The following ST6GAL1 variants were observed in gnomAD, a reference collection of about 807,000 sequenced individuals.
The protein encoded by ST6GAL1 is beta-galactoside alpha-2,6-sialyltransferase 1.
ST6GAL1 carries 20 observed loss-of-function variants against 38.0 expected under a neutral mutation model. The ratio of observed to expected loss-of-function variants is 0.53; its 90% CI spans 0.37 to 0.77. ST6GAL1 has a LOEUF of 0.77. ST6GAL1 is among the 30% of genes least tolerant of loss of function. ST6GAL1 has a pLI of 0.00. For missense variants in ST6GAL1, 432 were observed against 496.4 expected (o/e 0.87, Z 1.23); for synonymous variants, 196 against 188.2 (o/e 1.04, Z -0.34).
intron 2 of ST6GAL1, among the ~76,000 whole-genome samples, chr3:187,017,311 A>C (rs781163295): frequency 3.9e-5 from 6 of 152,074 alleles, no homozygotes; most frequent in Non-Finnish European, 7.4e-5. Flanking sequence ...AACTATTCTG[A>C]TGTTTATTGG....
intron 4 of ST6GAL1, chr3:187,043,593 A>T (rs756860685): frequency 4.5e-6 from 1 of 220,478 alleles, no homozygotes; most frequent in African/African-American, 2.3e-5. Flanking sequence ...TGATACGTGT[A>T]TTCAATGTGT....
chr3:187,069,873 C>T (rs1185086970), intron 5 of ST6GAL1, among the ~76,000 whole-genome samples: 3 of 152,056 alleles, frequency 2.0e-5, no homozygotes, highest in Non-Finnish European at 2.9e-5. Flanking sequence ...ACTAGCTTAA[C>T]AAAACAAAAA....
At position 187,071,565 on chromosome 3, in the gene ST6GAL1, A is replaced by C. The variant is rs527482804; in HGVS notation, c.706-1284A>C. On this transcript the variant is annotated intron_variant, in intron 5 of 7. Coordinates refer to ENST00000169298, the MANE Select transcript of ST6GAL1 (RefSeq NM_173216.2). ...GAGATCGAGACCATCCTGGCTAACA[A>C]GGTGAAACCCCGTCTCTACTAAAAA... Among the ~76,000 whole-genome samples, 7 of 151,886 alleles carry C rather than the reference A, an allele frequency of 4.6e-5. No homozygotes were observed. The East Asian group carries it at 1.4e-3, about 30-fold the overall frequency.
At chr3:187,042,446 G>C (rs1579351204) in intron 3 of ST6GAL1, among the ~76,000 whole-genome samples, 1 of 152,252 alleles carries the variant, frequency 6.6e-6, no homozygotes, top group African/African-American at 2.4e-5. Flanking sequence ...GGAAGAGGAA[G>C]AGGGACTGCT....
chr3:186,995,620 G>A (rs1716377492), intron 2 of ST6GAL1, among the ~76,000 whole-genome samples: 3 of 151,928 alleles, frequency 2.0e-5, no homozygotes, highest in African/African-American at 7.3e-5. Context: ...GAGGTGGGTG[G>A]ATCACCTGAG....
At chr3:186,969,746 AAGG>A (rs1463221998) in intron 2 of ST6GAL1, among the ~76,000 whole-genome samples, 3 of 152,130 alleles carry the variant, frequency 2.0e-5, no homozygotes, top group Non-Finnish European at 4.4e-5. Flanking sequence ...AAGCTTCCTT[AAGG>A]AGAAGCTATA....
chr3:186,985,282 T>C (rs1010404550), intron 2 of ST6GAL1, among the ~76,000 whole-genome samples: 1 of 152,150 alleles, frequency 6.6e-6, no homozygotes, highest in Non-Finnish European at 1.5e-5. Flanking sequence ...ATAATTTTTT[T>C]AATTTGTTAT....
intron 2 of ST6GAL1, among the ~76,000 whole-genome samples, chr3:186,965,615 G>T (rs1715081395): frequency 6.6e-6 from 1 of 152,230 alleles, no homozygotes; most frequent in African/African-American, 2.4e-5. Flanking sequence ...CTGAGCTGGT[G>T]ATTACCAGTG....
At chr3:186,946,044 T>C (rs1714354491) in intron 1 of ST6GAL1, among the ~76,000 whole-genome samples, 2 of 149,372 alleles carry the variant, frequency 1.3e-5, no homozygotes, top group Non-Finnish European at 3.0e-5. Flanking sequence ...CGGTGGCTCA[T>C]GCCTGTAATC....
At chr3:187,023,180 C>T (rs564749295) in intron 2 of ST6GAL1, among the ~76,000 whole-genome samples, 54 of 152,282 alleles carry the variant, frequency 3.5e-4, no homozygotes, top group African/African-American at 1.2e-3. Context: ...ACACCTCCTT[C>T]CAACCCTTGC....
At chr3:186,946,948 G>A (rs560572398) in intron 1 of ST6GAL1, among the ~76,000 whole-genome samples, 107 of 152,214 alleles carry the variant, frequency 7.0e-4, no homozygotes, top group African/African-American at 2.5e-3. Flanking sequence ...GGGCCCACAC[G>A]ACAATGGAAA....
At chr3:186,967,895 G>T (rs574683462) in intron 2 of ST6GAL1, among the ~76,000 whole-genome samples, 2 of 152,332 alleles carry the variant, frequency 1.3e-5, no homozygotes, top group African/African-American at 4.8e-5. Flanking sequence ...CTGGGGAGCC[G>T]GCACAGCCCA....
In ST6GAL1 at chr3:187,015,649, G is replaced by A. The variant is rs1258212369; in HGVS notation, c.-182-23093G>A. 6.8e-4 allele frequency among the ~76,000 whole-genome samples: 104 copies of A among 152,202 alleles called. 1 individual carries two copies. The highest frequency in any genetic ancestry group is 4.4e-5 in the Non-Finnish European group (3 of 67,998). On this transcript the variant is annotated intron_variant, in intron 2 of 7. Transcript: ENST00000169298. ...GCCCAGGGGGTTCAAGACCAGCCTG[G>A]GCAATGTGATGAAACCTGTTTCTAC...
At chr3:187,014,943 A>G (rs1453397513) in intron 2 of ST6GAL1, among the ~76,000 whole-genome samples, 1 of 152,230 alleles carries the variant, frequency 6.6e-6, no homozygotes, top group Non-Finnish European at 1.5e-5. Flanking sequence ...CACCGTAAAT[A>G]CAATCAAGCA....
intron 5 of ST6GAL1, among the ~76,000 whole-genome samples, chr3:187,054,003 G>A (rs1718603769): frequency 6.6e-6 from 1 of 152,176 alleles, no homozygotes; most frequent in South Asian, 2.1e-4. Flanking sequence ...TCTTGTTGAA[G>A]AGGACCTTCA....
chr3:186,977,198 G>A (rs548018704), intron 2 of ST6GAL1, among the ~76,000 whole-genome samples: 9 of 152,338 alleles, frequency 5.9e-5, no homozygotes, highest in African/African-American at 1.9e-4. Flanking sequence ...GCCCCTAGGC[G>A]AGATAGTTTA....
intron 2 of ST6GAL1, among the ~76,000 whole-genome samples, chr3:187,026,054 TAAAC>T: frequency 6.6e-6 from 1 of 152,196 alleles, no homozygotes; most frequent in East Asian, 1.9e-4. Context: ...TGTCCTCAGG[TAAAC>T]ACTTGCCAAC....
rs1222789851 is a variant in ST6GAL1 at position 186,952,585 on chromosome 3, A to G, written c.-324-11200A>G. Among the ~76,000 whole-genome samples, 1 of 151,624 alleles carries G rather than the reference A, an allele frequency of 6.6e-6. No homozygotes were observed. Among genetic ancestry groups the G allele is most frequent in the Non-Finnish European group, 1.5e-5 (1 of 67,918 alleles). On this transcript the variant is annotated intron_variant, in intron 1 of 7. Transcript: ENST00000169298. This position sits in a 1 kb window ranked among gnomAD's most constrained non-coding sequence, Gnocchi z 4.1. ...AGTGGCGCGATCTCAGCTCACTGCA[A>G]CCTCCGCCTCCCGGGTTCAAGCGCT...
At position 186,962,369 on chromosome 3, in the gene ST6GAL1, C is replaced by G. The variant is rs76253470; in HGVS notation, c.-324-1416C>G. Among the ~76,000 whole-genome samples, 1,163 of 152,282 alleles carry G rather than the reference C, an allele frequency of 7.6e-3. 18 individuals are homozygous for G. The highest frequency in any genetic ancestry group is 0.027 in the African/African-American group (1,107 of 41,564). ...ACCCCTCTTTCCCAAGCTTGATTAG[C>G]AGAGTTCATTTAGCATAATGGGTCT... On this transcript the variant is annotated intron_variant, in intron 1 of 7. Transcript: ENST00000169298.
Sources: allele counts gnomAD v4.1 joint callset (sites outside exome capture counted in the v4.1 genomes callset), GRCh38; gene constraint gnomAD v4.1.1; non-coding constraint Gnocchi (gnomAD v3.1); transcripts MANE v1.5; gene names NCBI Gene and HGNC (gene_info 2026-07-23, HGNC 2026-07-21).